The following TG variants were observed in gnomAD, a reference collection of about 807,000 sequenced individuals.
The protein encoded by TG is thyroglobulin.
A neutral mutation model predicts 324.7 loss-of-function variants in TG; 270 were observed. The observed-to-expected ratio is 0.83, with a 90% CI of 0.75 to 0.92. The LOEUF (loss-of-function observed/expected upper bound fraction) is 0.92, where lower values mean the gene tolerates loss of function less well. Ranked by LOEUF, TG falls within the 40% of genes least tolerant of loss-of-function variation. The pLI is 0.00. For missense variants in TG, 3,591 were observed against 3,456.4 expected (o/e 1.04, Z -0.98); for synonymous variants, 1,401 against 1,327.0 (o/e 1.06, Z -1.21).
intron 35 of TG, among the ~76,000 whole-genome samples, chr8:133,011,415 A>C (rs28393420): frequency 0.52 from 78,934 of 151,776 alleles, 21,891 homozygotes; most frequent in African/African-American, 0.7. Flanking sequence ...GGGTCTCAGT[A>C]CTGCAGGGGG....
At chr8:132,989,125 C>T (rs1363306780) in intron 35 of TG, among the ~76,000 whole-genome samples, 1 of 152,170 alleles carries the variant, frequency 6.6e-6, no homozygotes, top group Non-Finnish European at 1.5e-5. Context: ...TGTCCTGAGA[C>T]TTATTCACTA....
At chr8:132,881,142 A>G (rs1014373061) in intron 5 of TG, among the ~76,000 whole-genome samples, 28 of 152,218 alleles carry the variant, frequency 1.8e-4, no homozygotes, top group African/African-American at 6.0e-4. Context: ...AAATCATTGC[A>G]CAGGGGTAGA....
At chr8:133,096,616 G>T (rs943572437) in intron 43 of TG, among the ~76,000 whole-genome samples, 1 of 152,178 alleles carries the variant, frequency 6.6e-6, no homozygotes, top group African/African-American at 2.4e-5. Flanking sequence ...AACTGGAGCT[G>T]ACCCAGAAGC....
rs182676911 is a variant in TG at position 133,121,267 on chromosome 8, C to T, written c.7862+4551C>T. On this transcript the variant is annotated intron_variant, in intron 45 of 47. Coordinates refer to ENST00000220616, the MANE Select transcript of TG (RefSeq NM_003235.5). ...ACCCGTGAAGTGGGAGTAGGGAGGC[C>T]GGAGAGGTCTGAAGCACCGATTCTT... 1.2e-3 allele frequency among the ~76,000 whole-genome samples: 188 copies of T among 152,184 alleles called. 2 individuals carry two copies. Among genetic ancestry groups the T allele is most frequent in the African/African-American group, 4.4e-3 (184 of 41,512 alleles).
At chr8:132,961,713 T>C (rs1371214051) in intron 28 of TG, among the ~76,000 whole-genome samples, 1 of 152,044 alleles carries the variant, frequency 6.6e-6, no homozygotes, top group Non-Finnish European at 1.5e-5. Context: ...AGGGAGCAGA[T>C]AGAGCAGTGG....
chr8:133,058,410 C>G (rs1041540227), intron 41 of TG, among the ~76,000 whole-genome samples: 26 of 152,208 alleles, frequency 1.7e-4, no homozygotes, highest in Admixed American at 6.5e-4. Context: ...GGAACAAAAT[C>G]AACTTATTTC....
intron 14 of TG, 21 bp downstream of exon 14, chr8:132,898,931 G>A: frequency 1.2e-6 from 2 of 1,602,544 alleles, no homozygotes; most frequent in Non-Finnish European, 1.7e-6. Flanking sequence ...GGAAGCACAG[G>A]ATTGGAGCCG....
chr8:132,972,603 G>C lies in TG; in HGVS notation c.6061G>C (p.Glu2021Gln). The C allele has an allele frequency of 6.2e-7, 1 of 1,605,930 alleles. No homozygotes were observed. Among genetic ancestry groups the C allele is most frequent in the Non-Finnish European group, 8.5e-7 (1 of 1,176,280 alleles). The change falls in exon 34 of 48, where the codon GAG (glutamate) becomes CAG (glutamine). Residue 2021 changes from glutamate (E) to glutamine (Q), a missense_variant. Glu to Gln is a conservative substitution (Grantham distance 29, BLOSUM62 2). Transcript: ENST00000220616. ...FLNVSQLKGG[E>Q]VTCLTLNSLG... ...TTTTTTTTTTTCCACCCCAGGAGGAGAGGTGACATGTCTCACTCTGAACAG... is the reference window on the plus strand; with the variant it reads ...TTTTTTTTTTTCCACCCCAGGAGGACAGGTGACATGTCTCACTCTGAACAG...
chr8:132,974,647 T>C (rs1392863013), intron 34 of TG, among the ~76,000 whole-genome samples: 1 of 152,222 alleles, frequency 6.6e-6, no homozygotes, highest in African/African-American at 2.4e-5. Context: ...TCTAGATACC[T>C]TTCCTGACTG....
intron 35 of TG, chr8:132,994,835 G>A: frequency 7.8e-7 from 1 of 1,277,150 alleles, no homozygotes; most frequent in African/African-American, 1.5e-5. Flanking sequence ...AGAAGGGGCT[G>A]GGTCAGATGA....
At chr8:133,045,395 T>C (rs1440347534) in intron 41 of TG, among the ~76,000 whole-genome samples, 9 of 137,090 alleles carry the variant, frequency 6.6e-5, no homozygotes, top group Non-Finnish European at 1.3e-4. Context: ...TGCTTTTTTT[T>C]TTTTTTTTTT....
chr8:133,025,974 G>A lies in TG; in HGVS notation c.7036+3824G>A, dbSNP rs116094948. Reference sequence around the variant, plus strand: ...AGCAGAAGATGCTAAGTCTTGCAGGGCGTCTCACGTGAGATGAAGTGTGTG... The same window carrying A: ...AGCAGAAGATGCTAAGTCTTGCAGGACGTCTCACGTGAGATGAAGTGTGTG... On this transcript the variant is annotated intron_variant, in intron 40 of 47. Transcript: ENST00000220616. Among the ~76,000 whole-genome samples the A allele has an allele frequency of 3.5e-3, 539 of 152,230 alleles. 6 individuals carry two copies. Among genetic ancestry groups the A allele is most frequent in the African/African-American group, 0.013 (522 of 41,528 alleles).
chr8:132,952,313 G>T (rs933526321), intron 27 of TG, among the ~76,000 whole-genome samples: 3 of 152,212 alleles, frequency 2.0e-5, no homozygotes, highest in Non-Finnish European at 2.9e-5. Context: ...GAGTGAAAAT[G>T]CCTGGGATTG....
chr8:132,867,988 A>G, intron 1 of TG, 127 bp from the exon 2 acceptor site: 1 of 837,196 alleles, frequency 1.2e-6, no homozygotes, highest in Non-Finnish European at 2.0e-6. Context: ...TAGCTGCCAA[A>G]TTTTAAAATA....
intron 27 of TG, among the ~76,000 whole-genome samples, chr8:132,957,742 TACACACACACAC>T (rs6150825): frequency 2.6e-4 from 11 of 41,540 alleles, no homozygotes; most frequent in Non-Finnish European, 4.1e-4. Flanking sequence ...CATGGTAAAC[TACACACACACAC>T]ACACACACAC....
At position 132,983,044 on chromosome 8, in the gene TG, G is replaced by A. The variant is rs1009613715; in HGVS notation, c.6200-306G>A. Among the ~76,000 whole-genome samples the A allele has an allele frequency of 3.9e-5, 6 of 152,166 alleles. 1 individual carries two copies. The highest frequency in any genetic ancestry group is 1.5e-5 in the Non-Finnish European group (1 of 68,026). The stretch of plus-strand genomic sequence containing the variant: ...TGCATGGCAATTATTGAAACTTGAG[G>A]CAAGAAGCTGCCTTTTTCAGCTTGG... On this transcript the variant is annotated intron_variant, in intron 34 of 47. Transcript: ENST00000220616.
chr8:132,928,856 TGAGGTAGAAGCAGGGA>T (rs1822269282), intron 22 of TG, among the ~76,000 whole-genome samples: 1 of 152,178 alleles, frequency 6.6e-6, no homozygotes, highest in Non-Finnish European at 1.5e-5. Flanking sequence ...TTCGTGACAA[TGAGGTAGAAGCAGGGA>T]GAGCTGGTAA....
chr8:132,968,045 A>G (rs1828888815), intron 31 of TG, 75 bp downstream of exon 31: 4 of 1,532,452 alleles, frequency 2.6e-6, no homozygotes, highest in Non-Finnish European at 2.7e-6. Context: ...AAAGATCCAC[A>G]TTAGTTTCTT....
chr8:132,918,013 A>G (rs1587398947), intron 20 of TG, among the ~76,000 whole-genome samples: 1 of 151,506 alleles, frequency 6.6e-6, no homozygotes, highest in East Asian at 2.0e-4. Flanking sequence ...GTCAGCACCT[A>G]TTGGTGGCAG....
Sources: gnomAD v4.1 joint callset for allele counts (sites outside exome capture counted in the v4.1 genomes callset) on GRCh38, gnomAD v4.1.1 for gene constraint, MANE v1.5 for transcripts, NCBI Gene and HGNC (gene_info 2026-07-23, HGNC 2026-07-21) for gene names.